Variants in BCAS4 observed in about 807,000 individuals in gnomAD.
BCAS4 encodes the protein breast carcinoma amplified sequence 4, also known as breast carcinoma-amplified sequence 4.
In BCAS4, 9 loss-of-function variants were observed where a neutral mutation model predicts 15.7. The ratio of observed to expected loss-of-function variants is 0.57; its 90% CI spans 0.34 to 1.00. BCAS4 has a LOEUF of 1.00. Ranked by LOEUF, BCAS4 falls within the 50% of genes least tolerant of loss-of-function variation. BCAS4 has a pLI of 0.02. For synonymous variants in BCAS4, 101 were observed against 99.5 expected (o/e 1.02, Z -0.09); for missense variants, 225 against 239.1 (o/e 0.94, Z 0.39).
At chr20:50,802,120 A>T (rs1233131885) in intron 1 of BCAS4, among the ~76,000 whole-genome samples, 1 of 152,108 alleles carries the variant, frequency 6.6e-6, no homozygotes. Context: ...GGATCGCTTG[A>T]GTGCAGAAGT....
At position 50,795,170 on chromosome 20, in the gene BCAS4, C is replaced by T. The variant is rs1014742939; in HGVS notation, c.87C>T (p.Ala29=). 1.4e-6 allele frequency: 2 copies of T among 1,449,768 alleles called. No individual in the cohort carries two copies. Among genetic ancestry groups the T allele is most frequent in the African/African-American group, 1.5e-5 (1 of 68,686 alleles). The allele number at this position is 1,449,768 out of a possible 1,614,324, so 89.8% of individuals were successfully genotyped here. ...TCTTCCTGACCCCCGAGCCTGGGGC[C>T]GAGGTAGGGGACGGGGCTGTGGAGT... ...LALFLTPEPG[A]EAKEVEETIE... is the part of the protein sequence containing the mutation. Residue 29 remains alanine, a synonymous_variant, in exon 1 of 5, where the codon GCC becomes GCT. Transcript: ENST00000371608.
rs985791882 is a variant in BCAS4 at position 50,851,632 on chromosome 20, C to T, written c.399+9732C>T. Reference sequence around the variant, plus strand: ...GGTGGGACCCTCAACATGCCCTTCTCTCAAAGCAGCACCACCGTCAGGGGC... The same window carrying T: ...GGTGGGACCCTCAACATGCCCTTCTTTCAAAGCAGCACCACCGTCAGGGGC... On this transcript the variant is annotated intron_variant, in intron 4 of 4. Coordinates refer to ENST00000371608, the MANE Select transcript of BCAS4 (RefSeq NM_198799.4). The surrounding 1 kb of genome is among the most constrained non-coding windows in gnomAD (Gnocchi z 4.3). Among the ~76,000 whole-genome samples the T allele has an allele frequency of 1.3e-5, 2 of 152,124 alleles. No individual in the cohort carries two copies. Among genetic ancestry groups the T allele is most frequent in the African/African-American group, 2.4e-5 (1 of 41,420 alleles).
At chr20:50,833,144 G>A (rs1327494447) in intron 3 of BCAS4, 1 of 152,620 alleles carries the variant, frequency 6.6e-6, no homozygotes, top group Non-Finnish European at 1.5e-5. Flanking sequence ...GTGCAGCTCA[G>A]GCAGGGGCTC....
chr20:50,799,512 C>T (rs1249771876), intron 1 of BCAS4, among the ~76,000 whole-genome samples: 2 of 152,172 alleles, frequency 1.3e-5, no homozygotes, highest in Admixed American at 6.5e-5. Context: ...ACCTAGTTTG[C>T]GAACAGACCT....
In BCAS4 at chr20:50,830,332, C is replaced by T; in HGVS notation, c.216C>T (p.Ala72=). Residue 72 remains alanine (A), a synonymous_variant, in exon 3 of 5, where the codon GCC becomes GCT. Coordinates refer to ENST00000371608, the MANE Select transcript of BCAS4 (RefSeq NM_198799.4). ...AGGAAAACATCCCAGTCCTTAAGGC[C>T]AAACTGACAGAAATGCGTGGCATCT... ...ILEENIPVLK[A]KLTEMRGIYA... 1 of 1,614,058 alleles carries T rather than the reference C, an allele frequency of 6.2e-7. No homozygotes were observed. The highest frequency in any genetic ancestry group is 2.2e-5 in the East Asian group (1 of 44,874).
At chr20:50,813,100 T>C (rs2088091891) in intron 1 of BCAS4, among the ~76,000 whole-genome samples, 1 of 152,190 alleles carries the variant, frequency 6.6e-6, no homozygotes. Context: ...ACTAAATGTG[T>C]GCGCCACTGT....
intron 4 of BCAS4, among the ~76,000 whole-genome samples, chr20:50,861,746 C>T (rs776874801): frequency 6.6e-6 from 1 of 152,118 alleles, no homozygotes; most frequent in Non-Finnish European, 1.5e-5. Flanking sequence ...CTTCCCTCCC[C>T]CTATGTGGCT....
At chr20:50,841,156 C>G (rs538481782) in intron 3 of BCAS4, among the ~76,000 whole-genome samples, 1 of 152,270 alleles carries the variant, frequency 6.6e-6, no homozygotes, top group African/African-American at 2.4e-5. Flanking sequence ...CAGCTCTGCA[C>G]TTGAGGCCTG....
intron 1 of BCAS4, among the ~76,000 whole-genome samples, chr20:50,797,575 A>C (rs1374038707): frequency 6.6e-6 from 1 of 152,150 alleles, no homozygotes; most frequent in African/African-American, 2.4e-5. Flanking sequence ...AACACGAACA[A>C]AAATTTAAAA....
At chr20:50,867,583 C>T (rs1012423708) in intron 4 of BCAS4, among the ~76,000 whole-genome samples, 1 of 152,086 alleles carries the variant, frequency 6.6e-6, no homozygotes, top group African/African-American at 2.4e-5. Context: ...GTCTTGAAAC[C>T]CTGCACTCAA....
At chr20:50,828,357 C>A (rs979092397) in intron 2 of BCAS4, among the ~76,000 whole-genome samples, 1 of 151,852 alleles carries the variant, frequency 6.6e-6, no homozygotes, top group Non-Finnish European at 1.5e-5. Flanking sequence ...CTCGGGAAAC[C>A]GAGGGCAAGG....
intron 1 of BCAS4, among the ~76,000 whole-genome samples, chr20:50,808,903 T>C (rs976776004): frequency 2.0e-5 from 3 of 152,248 alleles, no homozygotes; most frequent in Non-Finnish European, 4.4e-5. Flanking sequence ...ATAAAGTCTT[T>C]GCCTAAGCCA....
chr20:50,837,002 C>T (rs1455248050), intron 3 of BCAS4, among the ~76,000 whole-genome samples: 1 of 152,186 alleles, frequency 6.6e-6, no homozygotes, highest in African/African-American at 2.4e-5. Flanking sequence ...GCCACCATGC[C>T]CAGCCAACAA....
At chr20:50,808,012 A>G (rs2088014840) in intron 1 of BCAS4, among the ~76,000 whole-genome samples, 2 of 147,640 alleles carry the variant, frequency 1.4e-5, no homozygotes, top group South Asian at 4.2e-4. Flanking sequence ...GGTTCACGCG[A>G]TTCTCCTGCC....
chr20:50,855,677 C>G (rs1978718347), intron 4 of BCAS4, among the ~76,000 whole-genome samples: 1 of 152,040 alleles, frequency 6.6e-6, no homozygotes. Flanking sequence ...CGTGGGCACC[C>G]ATTGCCCTTC....
chr20:50,795,647 C>G (rs1361246898), intron 1 of BCAS4, among the ~76,000 whole-genome samples: 1 of 152,246 alleles, frequency 6.6e-6, no homozygotes, highest in African/African-American at 2.4e-5. Context: ...AGATCTAAAA[C>G]GAGACCCTCT....
intron 1 of BCAS4, among the ~76,000 whole-genome samples, chr20:50,813,452 G>A (rs529861032): frequency 1.6e-4 from 25 of 152,324 alleles, no homozygotes; most frequent in South Asian, 1.2e-3. Flanking sequence ...AGCAAGAGAC[G>A]ACGGTGACTT....
intron 4 of BCAS4, among the ~76,000 whole-genome samples, chr20:50,871,251 CT>C (rs1316635713): frequency 6.6e-6 from 1 of 152,222 alleles, no homozygotes; most frequent in East Asian, 1.9e-4. Flanking sequence ...CCCGGGACCC[CT>C]GAGACATAGC....
chr20:50,863,368 C>T (rs376907665), intron 4 of BCAS4, among the ~76,000 whole-genome samples: 1 of 149,700 alleles, frequency 6.7e-6, no homozygotes, highest in Admixed American at 6.7e-5. Context: ...AGCAATTCTC[C>T]TGCCTCAGCC....
Sources: gnomAD v4.1 joint callset for allele counts (sites outside exome capture counted in the v4.1 genomes callset) on GRCh38, gnomAD v4.1.1 for gene constraint, Gnocchi (gnomAD v3.1) non-coding constraint, MANE v1.5 for transcripts, NCBI Gene and HGNC (gene_info 2026-07-23, HGNC 2026-07-21) for gene names.